The following SH3BP5 variants were observed in gnomAD, a reference collection of about 807,000 sequenced individuals.
The protein encoded by SH3BP5 is SH3 domain binding protein 5.
SH3BP5 carries 22 observed loss-of-function variants against 43.3 expected under a neutral mutation model. That is an observed-to-expected ratio of 0.51 (90% CI 0.36 to 0.73). The LOEUF is 0.73. Ranked by LOEUF, SH3BP5 falls within the 30% of genes least tolerant of loss-of-function variation. The probability of loss-of-function intolerance (pLI) is 0.00; values close to 1 mark genes in which losing one functional copy is unlikely to be tolerated. For synonymous variants in SH3BP5, 255 were observed against 225.8 expected (o/e 1.13, Z -1.16); for missense variants, 529 against 586.9 (o/e 0.90, Z 1.02).
intron 2 of SH3BP5, among the ~76,000 whole-genome samples, chr3:15,321,251 C>T (rs112886195): frequency 0.021 from 3,231 of 152,120 alleles, 111 homozygotes; most frequent in African/African-American, 0.073. Flanking sequence ...TCCATTATAT[C>T]TTGATTTATT....
chr3:15,282,050 G>A (rs542380044), intron 3 of SH3BP5, among the ~76,000 whole-genome samples: 1 of 152,088 alleles, frequency 6.6e-6, no homozygotes, highest in Non-Finnish European at 1.5e-5. Context: ...GCACAAAACT[G>A]GCATTGATTT....
intron 4 of SH3BP5, 80 bp downstream of exon 4, chr3:15,269,633 G>A (rs1057153427): frequency 1.1e-5 from 16 of 1,408,584 alleles, no homozygotes; most frequent in Middle Eastern, 2.2e-4. Flanking sequence ...CCTGGGAGTC[G>A]AGTCTGTTAC....
chr3:15,271,927 C>T lies in SH3BP5; in HGVS notation c.331-2050G>A, dbSNP rs572271954. On this transcript the variant is annotated intron_variant, in intron 3 of 8. Coordinates refer to ENST00000383791, the MANE Select transcript of SH3BP5 (RefSeq NM_004844.5). Reference sequence around the variant, plus strand: ...CCCAGCAGGGTAGAAGCCACAAACCCGCCTCTGCAGCGTCCCACCACCCTC... The same window carrying T: ...CCCAGCAGGGTAGAAGCCACAAACCTGCCTCTGCAGCGTCCCACCACCCTC... 4.6e-5 allele frequency among the ~76,000 whole-genome samples: 7 copies of T among 152,240 alleles called. No homozygotes were observed. The East Asian group carries it at 7.7e-4, about 17-fold the overall frequency.
At chr3:15,298,630 TTC>T (rs1315049812) in intron 3 of SH3BP5, among the ~76,000 whole-genome samples, 1 of 152,198 alleles carries the variant, frequency 6.6e-6, no homozygotes, top group Non-Finnish European at 1.5e-5. Flanking sequence ...TGAAAGGAAA[TTC>T]TGACACATGC....
At chr3:15,258,577 C>T (rs1000508601) in intron 7 of SH3BP5, 8 of 525,812 alleles carry the variant, frequency 1.5e-5, no homozygotes, top group Admixed American at 3.5e-5. Context: ...CAAATGTATA[C>T]TTTGACTCTC....
intron 2 of SH3BP5, among the ~76,000 whole-genome samples, chr3:15,313,399 GGA>G (rs1698108246): frequency 6.6e-6 from 1 of 152,188 alleles, no homozygotes; most frequent in African/African-American, 2.4e-5. Context: ...TAGAATGATA[GGA>G]AAGTCTCCAT....
At chr3:15,309,844 C>T (rs1335470459) in intron 2 of SH3BP5, among the ~76,000 whole-genome samples, 1 of 152,074 alleles carries the variant, frequency 6.6e-6, no homozygotes, top group Non-Finnish European at 1.5e-5. Context: ...CTTCCAACCA[C>T]CAACAAGCCT....
At chr3:15,292,902 C>T (rs1697453554) in intron 3 of SH3BP5, among the ~76,000 whole-genome samples, 1 of 152,156 alleles carries the variant, frequency 6.6e-6, no homozygotes, top group Non-Finnish European at 1.5e-5. Context: ...CCTGCTCCAG[C>T]CCCAGACGCC....
At chr3:15,258,783 C>A (rs765381750) in intron 7 of SH3BP5, 48 bp downstream of exon 7, 3 of 1,519,854 alleles carry the variant, frequency 2.0e-6, no homozygotes, top group African/African-American at 1.4e-5. Flanking sequence ...GGAAACAAAT[C>A]ACACAGTCTG....
chr3:15,276,450 C>A (rs148900141), intron 3 of SH3BP5, among the ~76,000 whole-genome samples: 1 of 152,114 alleles, frequency 6.6e-6, no homozygotes. Flanking sequence ...GCAGTGTGTA[C>A]CCCCCGGAGT....
chr3:15,274,317 A>C (rs4036837), intron 3 of SH3BP5, among the ~76,000 whole-genome samples: 1 of 152,000 alleles, frequency 6.6e-6, no homozygotes, highest in African/African-American at 2.4e-5. Context: ...AAGAGGCTTA[A>C]TCGGCTCACA....
chr3:15,317,071 T>C (rs1698203785), intron 2 of SH3BP5, among the ~76,000 whole-genome samples: 1 of 152,258 alleles, frequency 6.6e-6, no homozygotes, highest in Non-Finnish European at 1.5e-5. Flanking sequence ...TTCACATATG[T>C]CCTCAACTGC....
chr3:15,332,225 G>A, intron 1 of SH3BP5, 46 bp downstream of exon 1: 2 of 1,549,014 alleles, frequency 1.3e-6, no homozygotes, highest in South Asian at 1.2e-5. Context: ...GACCTCCGTA[G>A]CAGCCCTCGC....
intron 5 of SH3BP5, among the ~76,000 whole-genome samples, chr3:15,261,110 T>A (rs1001562819): frequency 3.3e-5 from 5 of 152,280 alleles, no homozygotes; most frequent in Admixed American, 6.5e-5. Context: ...CCTCGCCACC[T>A]CCTGCCTCCC....
intron 1 of SH3BP5, among the ~76,000 whole-genome samples, chr3:15,337,648 G>C (rs1361183462): frequency 1.3e-5 from 2 of 152,008 alleles, no homozygotes; most frequent in Admixed American, 1.3e-4. Flanking sequence ...TCTCACACCT[G>C]TAATCCCAGC....
At chr3:15,257,435 C>G in intron 7 of SH3BP5, 2 of 262,384 alleles carry the variant, frequency 7.6e-6, no homozygotes, top group Non-Finnish European at 1.5e-5. Flanking sequence ...TTTACTCCAC[C>G]TCAGTCCCCC....
chr3:15,269,708 C>T lies in SH3BP5; in HGVS notation c.495+5G>A. The T allele has an allele frequency of 6.3e-7, 1 of 1,585,532 alleles. No homozygotes were observed. The highest frequency in any genetic ancestry group is 2.3e-5 in the East Asian group (1 of 44,426). On this transcript the variant is annotated splice_donor_5th_base_variant and intron_variant, in intron 4 of 8. Transcript: ENST00000383791. ...CCCCACAGCACACCCGGCCATGACT[C>T]ATACCCTCTGAGTGGCGTGATTCAG...
rs999800307 is a variant in SH3BP5, at chr3:15,309,910, C to A, written c.202-5679G>T. On this transcript the variant is annotated intron_variant, in intron 2 of 8. Transcript: ENST00000383791. ...AAAGCCAGTCTTCCCCGCTCCACCC[C>A]CCCCCCATAAGAAAAAGCCCACCCA... Among the ~76,000 whole-genome samples, 6 of 150,610 alleles carry A rather than the reference C, an allele frequency of 4.0e-5. No individual in the cohort carries two copies. In the East Asian group the frequency reaches 9.7e-4, roughly 24 times the overall value.
intron 3 of SH3BP5, among the ~76,000 whole-genome samples, chr3:15,298,052 C>A (rs765655524): frequency 6.6e-6 from 1 of 151,212 alleles, no homozygotes; most frequent in South Asian, 2.1e-4. Context: ...TCATAACTCA[C>A]TGCACTCTGG....
Sources: gnomAD v4.1 joint callset for allele counts (sites outside exome capture counted in the v4.1 genomes callset) on GRCh38, gnomAD v4.1.1 for gene constraint, MANE v1.5 for transcripts, NCBI Gene and HGNC (gene_info 2026-07-23, HGNC 2026-07-21) for gene names.